The following SATB1 variants were observed in gnomAD, a reference collection of about 807,000 sequenced individuals.
SATB1 encodes SATB homeobox 1.
A neutral mutation model predicts 86.9 loss-of-function variants in SATB1; 11 were observed. The ratio of observed to expected loss-of-function variants is 0.13; its 90% CI spans 0.08 to 0.21. The LOEUF (loss-of-function observed/expected upper bound fraction) is 0.21. Among genes scored for constraint, SATB1 ranks in the 10% least tolerant of loss-of-function variants. The pLI is 1.00. For synonymous variants in SATB1, 357 were observed against 357.2 expected (o/e 1.00, Z 0.01); for missense variants, 551 against 937.6 (o/e 0.59, Z 5.39).
At chr3:18,405,971 G>A (rs1697511071) in intron 5 of SATB1, among the ~76,000 whole-genome samples, 1 of 151,968 alleles carries the variant, frequency 6.6e-6, no homozygotes, top group African/African-American at 2.4e-5. Context: ...CACAGTGTAG[G>A]AAAATGCCAT....
At chr3:18,399,999 C>T (rs1318545268) in intron 5 of SATB1, among the ~76,000 whole-genome samples, 4 of 151,918 alleles carry the variant, frequency 2.6e-5, no homozygotes, top group Admixed American at 6.6e-5. Flanking sequence ...ACCAGCCAGC[C>T]GGTTTCAATG....
chr3:18,389,595 G>C (rs1045973805), intron 7 of SATB1, among the ~76,000 whole-genome samples: 3 of 151,978 alleles, frequency 2.0e-5, no homozygotes, highest in African/African-American at 7.2e-5. Context: ...CCACACAGTG[G>C]ACAGTAAGCG....
intron 9 of SATB1, among the ~76,000 whole-genome samples, chr3:18,369,693 C>T (rs1047202464): frequency 1.4e-5 from 2 of 145,296 alleles, no homozygotes; most frequent in Non-Finnish European, 1.5e-5. Context: ...GCTTCTGTGC[C>T]ACATTAGCTG....
intron 9 of SATB1, among the ~76,000 whole-genome samples, chr3:18,367,363 G>T (rs189789232): frequency 6.6e-6 from 1 of 152,292 alleles, no homozygotes; most frequent in Non-Finnish European, 1.5e-5. Flanking sequence ...AGTGGGTCCA[G>T]AAGAAAACAA....
chr3:18,364,887 G>A (rs1695103269), intron 9 of SATB1, among the ~76,000 whole-genome samples: 1 of 151,786 alleles, frequency 6.6e-6, no homozygotes, highest in African/African-American at 2.4e-5. Flanking sequence ...CTTAGAGATG[G>A]GTTAGAGAAA....
intron 2 of SATB1, among the ~76,000 whole-genome samples, chr3:18,418,195 T>G (rs1401313121): frequency 1.3e-5 from 2 of 152,178 alleles, no homozygotes; most frequent in Admixed American, 6.6e-5. Flanking sequence ...CTAATGCCTC[T>G]ATAAGCTCTG....
At chr3:18,380,453 T>G (rs918458302) in intron 8 of SATB1, among the ~76,000 whole-genome samples, 1 of 152,096 alleles carries the variant, frequency 6.6e-6, no homozygotes, top group Non-Finnish European at 1.5e-5. Context: ...TTTTTTATTT[T>G]AAAGCAATTA....
intron 9 of SATB1, among the ~76,000 whole-genome samples, chr3:18,353,873 A>G (rs1694499667): frequency 6.6e-6 from 1 of 152,220 alleles, no homozygotes; most frequent in South Asian, 2.1e-4. Flanking sequence ...AAGCAAATAT[A>G]TGCATGTCAT....
rs1250063350 is a variant in SATB1 at position 18,352,178 on chromosome 3, C to A, written c.1593G>T (p.Leu531=). The change falls in exon 10 of 11, where the codon CTG becomes CTT. Residue 531 remains leucine (L), a synonymous_variant. Coordinates refer to ENST00000338745, the MANE Select transcript of SATB1 (RefSeq NM_002971.6). This position sits in a 1 kb window ranked among gnomAD's most constrained non-coding sequence, Gnocchi z 4.1. ...ATKSQGWLCE[L]LRWKEDPSPE... ...GAGAAGGATCTTCTTTCCAGCGTAACAGCTCGCACAACCATCCCTTAGAGA... is the reference window on the plus strand; with the variant it reads ...GAGAAGGATCTTCTTTCCAGCGTAAAAGCTCGCACAACCATCCCTTAGAGA... 6.2e-7 allele frequency: 1 copy of A among 1,614,174 alleles called. No homozygotes were observed. The highest frequency in any genetic ancestry group is 1.3e-5 in the African/African-American group (1 of 75,028).
intron 9 of SATB1, among the ~76,000 whole-genome samples, chr3:18,363,861 A>G (rs1044735932): frequency 6.6e-6 from 1 of 150,606 alleles, no homozygotes; most frequent in Non-Finnish European, 1.5e-5. Flanking sequence ...GTTCAATTGG[A>G]AAAAAAAATG....
intron 9 of SATB1, among the ~76,000 whole-genome samples, chr3:18,376,996 C>T (rs377558536): frequency 6.6e-6 from 1 of 152,284 alleles, no homozygotes; most frequent in South Asian, 2.1e-4. Context: ...TGAGTTTAAT[C>T]ATTTTTATAT....
At chr3:18,384,503 G>T (rs1257773405) in intron 8 of SATB1, among the ~76,000 whole-genome samples, 2 of 150,702 alleles carry the variant, frequency 1.3e-5, no homozygotes, top group Non-Finnish European at 2.9e-5. Flanking sequence ...GTTCATATTG[G>T]TCTTAAGTAA....
Position 18,394,454 on chromosome 3 carries a change from CA to C in SATB1, c.1206+7del. On this transcript the variant is annotated splice_region_variant and intron_variant, in intron 7 of 10. Coordinates refer to ENST00000338745, the MANE Select transcript of SATB1 (RefSeq NM_002971.6). This position sits in a 1 kb window ranked among gnomAD's most constrained non-coding sequence, Gnocchi z 5.9. ...ACAGCACAGAACCACTTATGAAACA[CA>C]ACTGACCTGAGTTCTGTTAAAAGCC... 2 of 1,612,612 alleles carry C rather than the reference CA, an allele frequency of 1.2e-6. No individual in the cohort carries two copies. The highest frequency in any genetic ancestry group is 1.7e-6 in the Non-Finnish European group (2 of 1,178,680).
intron 5 of SATB1, among the ~76,000 whole-genome samples, chr3:18,402,200 A>AT (rs1697307804): frequency 6.6e-6 from 1 of 152,028 alleles, no homozygotes; most frequent in East Asian, 1.9e-4. Flanking sequence ...AGATGGTTTT[A>AT]TTTTTTTACT....
At chr3:18,397,924 G>T (rs979544292) in intron 5 of SATB1, among the ~76,000 whole-genome samples, 1 of 152,172 alleles carries the variant, frequency 6.6e-6, no homozygotes, top group Non-Finnish European at 1.5e-5. Flanking sequence ...GACCGTATTT[G>T]AGAAGAAACA....
intron 7 of SATB1, among the ~76,000 whole-genome samples, chr3:18,391,325 T>A (rs1390017130): frequency 6.6e-6 from 1 of 152,180 alleles, no homozygotes; most frequent in Non-Finnish European, 1.5e-5. Flanking sequence ...AGAAACAGTA[T>A]CTTCATCTGA....
In SATB1 at chr3:18,398,135, G is replaced by A. The variant is rs184449602; in HGVS notation, c.640-845C>T. ...TATCTTTATCCTGCTTTTAATAAAT[G>A]CCCGGAAAACTGTCAGCCCTTTAAC... On this transcript the variant is annotated intron_variant, in intron 5 of 10. Transcript: ENST00000338745. Among the ~76,000 whole-genome samples, 4 of 152,170 alleles carry A rather than the reference G, an allele frequency of 2.6e-5. No individual in the cohort carries two copies. In the East Asian group the frequency reaches 7.7e-4, roughly 29 times the overall value.
At chr3:18,363,240 T>C (rs62238531) in intron 9 of SATB1, among the ~76,000 whole-genome samples, 19,670 of 152,094 alleles carry the variant, frequency 0.13, 2,119 homozygotes, top group African/African-American at 0.29. Context: ...GCAGGGTCAC[T>C]ATGAGCTCCC....
Position 18,348,783 on chromosome 3 carries a change from T to C in SATB1, c.*387A>G, listed in dbSNP as rs529684197. 5.5e-6 allele frequency: 1 copy of C among 181,468 alleles called. No homozygotes were observed. Among genetic ancestry groups the C allele is most frequent in the Admixed American group, 5.6e-5 (1 of 17,926 alleles). The allele number at this position is 181,468 out of a possible 1,614,324, so 11.2% of individuals were successfully genotyped here. ...CAAGTTTCCAAAGATCAGTGTGGAGTGCTACAGAAATAATTATAGGAGAGG... is the reference window on the plus strand; with the variant it reads ...CAAGTTTCCAAAGATCAGTGTGGAGCGCTACAGAAATAATTATAGGAGAGG... On this transcript the variant is annotated 3_prime_UTR_variant, in exon 11 of 11. Transcript: ENST00000338745.
Sources: allele counts gnomAD v4.1 joint callset (sites outside exome capture counted in the v4.1 genomes callset), GRCh38; gene constraint gnomAD v4.1.1; non-coding constraint Gnocchi (gnomAD v3.1); transcripts MANE v1.5; gene names NCBI Gene and HGNC (gene_info 2026-07-23, HGNC 2026-07-21).